RBFOX1: variants seen among roughly 807,000 people sequenced by gnomAD.
The protein encoded by RBFOX1 is RNA binding protein fox-1 homolog 1.
A neutral mutation model predicts 57.7 loss-of-function variants in RBFOX1; 8 were observed. The ratio of observed to expected loss-of-function variants is 0.14; its 90% confidence interval spans 0.08 to 0.25. The LOEUF (loss-of-function observed/expected upper bound fraction) is 0.25. Among genes scored for constraint, RBFOX1 ranks in the 10% least tolerant of loss-of-function variants. The pLI is 1.00. For synonymous variants in RBFOX1, 326 were observed against 222.4 expected, an observed-to-expected ratio of 1.47 and a Z score of -4.15; for missense variants, 611 against 548.5, an observed-to-expected ratio of 1.11 and a Z score of -1.14.
chr16:6,722,331 C>G (rs1429914210), intron 3 of RBFOX1, among the ~76,000 whole-genome samples: 1 of 152,092 alleles, frequency 6.6e-6, no homozygotes, highest in Non-Finnish European at 1.5e-5. Context: ...TTTTTGTTTG[C>G]TTGTTTGTTT....
chr16:6,118,658 C>CTCCT (rs887139682), intron 1 of RBFOX1, among the ~76,000 whole-genome samples: 3 of 150,106 alleles, frequency 2.0e-5, no homozygotes, highest in South Asian at 4.2e-4. Flanking sequence ...CTCTTTCCCT[C>CTCCT]TCCTTCCTTC....
intron 3 of RBFOX1, among the ~76,000 whole-genome samples, chr16:6,939,383 A>G (rs983089101): frequency 6.0e-5 from 9 of 149,368 alleles, no homozygotes; most frequent in African/African-American, 1.5e-4. Flanking sequence ...ATATATGTGT[A>G]TGTGTGTGTG....
chr16:6,822,802 A>T lies in RBFOX1; in HGVS notation c.-16+168152A>T, dbSNP rs562173480. Among the ~76,000 whole-genome samples, 17 of 152,294 alleles carry T rather than the reference A, an allele frequency of 1.1e-4. No homozygotes were observed. In the South Asian group the frequency reaches 3.5e-3, roughly 32 times the overall value. On this transcript the variant is annotated intron_variant, in intron 3 of 15. Transcript: ENST00000550418. The stretch of plus-strand genomic sequence containing the variant: ...AGCGCGAGTATGGTCTGACTCTCCA[A>T]CCAGGTTAAGCCTTTTGAGAGCAAT...
At chr16:5,944,786 C>T (rs9928912) in intron 4 of RBFOX1, among the ~76,000 whole-genome samples, 1 of 17,576 alleles carries the variant, frequency 5.7e-5, no homozygotes, top group African/African-American at 2.6e-4. Context: ...AACCCTGTCT[C>T]TGCTAAAAAA....
intron 3 of RBFOX1, among the ~76,000 whole-genome samples, chr16:6,968,363 A>T (rs1238429410): frequency 6.6e-6 from 1 of 151,978 alleles, no homozygotes; most frequent in African/African-American, 2.4e-5. Flanking sequence ...TTTTTTCTTC[A>T]CTTATTTTTC....
intron 4 of RBFOX1, among the ~76,000 whole-genome samples, chr16:7,212,618 C>A (rs1251628994): frequency 6.7e-6 from 1 of 148,528 alleles, no homozygotes; most frequent in East Asian, 2.1e-4. Flanking sequence ...TAAAGGCATT[C>A]CACAAGTTGT....
rs570917049 is a variant in RBFOX1 at position 7,538,841 on chromosome 16, TC to T, written c.270+20457del. 2.6e-3 allele frequency among the ~76,000 whole-genome samples: 382 copies of T among 149,714 alleles called. 1 individual carries two copies. Among genetic ancestry groups the T allele is most frequent in the African/African-American group, 8.8e-3 (359 of 40,616 alleles). The stretch of plus-strand genomic sequence containing the variant: ...GTGATTGTCTGTACAACACATCTCC[TC>T]CCCCGCACCCCCACCCCCACCCCGC... On this transcript the variant is annotated intron_variant, in intron 5 of 15. Coordinates refer to ENST00000550418, the MANE Select transcript of RBFOX1 (RefSeq NM_018723.4).
At chr16:6,953,190 C>G (rs954133119) in intron 3 of RBFOX1, among the ~76,000 whole-genome samples, 1 of 152,040 alleles carries the variant, frequency 6.6e-6, no homozygotes, top group African/African-American at 2.4e-5. Context: ...TTATATTTTG[C>G]TAAGCTGGGT....
chr16:6,795,552 G>A (rs1403863894), intron 3 of RBFOX1, among the ~76,000 whole-genome samples: 1 of 152,044 alleles, frequency 6.6e-6, no homozygotes, highest in Non-Finnish European at 1.5e-5. Flanking sequence ...TGAATCACGA[G>A]GTCACAAGTT....
chr16:6,561,215 C>G (rs978041056), intron 2 of RBFOX1, among the ~76,000 whole-genome samples: 8 of 152,124 alleles, frequency 5.3e-5, no homozygotes, highest in Non-Finnish European at 1.2e-4. Context: ...GAAAGGTTCC[C>G]TGCTGTCTAC....
chr16:6,735,937 T>A (rs574686903), intron 3 of RBFOX1, among the ~76,000 whole-genome samples: 1 of 130,424 alleles, frequency 7.7e-6, no homozygotes, highest in African/African-American at 2.9e-5. Context: ...TTTTTTTGCC[T>A]TTTGCTTTAA....
intron 4 of RBFOX1, among the ~76,000 whole-genome samples, chr16:7,497,996 C>A (rs1004006622): frequency 1.3e-5 from 2 of 152,192 alleles, no homozygotes; most frequent in Admixed American, 1.3e-4. Flanking sequence ...TTTTACCTCT[C>A]CTGTCCCCAA....
At chr16:6,130,197 C>T (rs1460645872) in intron 1 of RBFOX1, among the ~76,000 whole-genome samples, 9 of 152,024 alleles carry the variant, frequency 5.9e-5, no homozygotes. Flanking sequence ...AAAAATGATA[C>T]AGTTTTATTC....
rs145546539 is a variant in RBFOX1 at position 5,449,835 on chromosome 16, C to T, written c.220-17381C>T. Among the ~76,000 whole-genome samples, 37 of 152,076 alleles carry T rather than the reference C, an allele frequency of 2.4e-4. 1 individual carries two copies. Among genetic ancestry groups the T allele is most frequent in the African/African-American group, 6.5e-4 (27 of 41,482 alleles). ...GTTGCCCAGTCTGGTCTCAAACTCC[C>T]GGATTCAAGTGATCGTCCCACCTCA... On this transcript the variant is annotated intron_variant, in intron 1 of 2. Transcript: ENST00000585867.
chr16:6,518,864 T>A (rs1344356160), intron 2 of RBFOX1, among the ~76,000 whole-genome samples: 1 of 151,616 alleles, frequency 6.6e-6, no homozygotes. Context: ...CCTGCAGAAG[T>A]AGCAAACGTG....
At chr16:7,202,316 A>C (rs116277301) in intron 4 of RBFOX1, among the ~76,000 whole-genome samples, 2,402 of 148,560 alleles carry the variant, frequency 0.016, 77 homozygotes, top group African/African-American at 0.056. Flanking sequence ...AAAAAAAAAG[A>C]AGCACAGAAA....
intron 4 of RBFOX1, among the ~76,000 whole-genome samples, chr16:7,506,184 CAAAAAAAA>C (rs552568132): frequency 6.4e-4 from 32 of 49,948 alleles, no homozygotes; most frequent in Admixed American, 1.3e-3. Context: ...GACTCTGTCT[CAAAAAAAA>C]AAAAAAAAAA....
At chr16:5,460,148 C>G (rs749505795) in intron 1 of RBFOX1, among the ~76,000 whole-genome samples, 2 of 152,114 alleles carry the variant, frequency 1.3e-5, no homozygotes, top group Non-Finnish European at 2.9e-5. Flanking sequence ...AAAGTCGGCA[C>G]AATGCCAAAT....
chr16:6,906,641 G>A (rs12444558), intron 3 of RBFOX1, among the ~76,000 whole-genome samples: 1 of 151,656 alleles, frequency 6.6e-6, no homozygotes, highest in Non-Finnish European at 1.5e-5. Flanking sequence ...CAGGAACAGC[G>A]TTTTCTTCAT....
Sources: allele counts gnomAD v4.1 joint callset (sites outside exome capture counted in the v4.1 genomes callset), GRCh38; gene constraint gnomAD v4.1.1; transcripts MANE v1.5; gene names NCBI Gene and HGNC (gene_info 2026-07-23, HGNC 2026-07-21).